CFAP20DC: variants seen among roughly 807,000 people sequenced by gnomAD.
CFAP20DC encodes CFAP20 domain containing, also known as protein CFAP20DC.
In CFAP20DC, 84 loss-of-function variants were observed where a neutral mutation model predicts 101.7. That is an observed-to-expected ratio of 0.83 (90% confidence interval 0.69 to 0.99). CFAP20DC has a LOEUF of 0.99. CFAP20DC is among the 50% of genes least tolerant of loss of function. CFAP20DC has a pLI of 0.00. For missense variants in CFAP20DC, 1,007 were observed against 970.3 expected, an observed-to-expected ratio of 1.04 and a Z score of -0.50; for synonymous variants, 359 against 351.2, an observed-to-expected ratio of 1.02 and a Z score of -0.25.
intron 5 of CFAP20DC, among the ~76,000 whole-genome samples, chr3:58,923,878 T>G (rs2085660428): frequency 6.6e-6 from 1 of 152,192 alleles, no homozygotes; most frequent in African/African-American, 2.4e-5. Context: ...CATACTAGAC[T>G]GTGTGATACT....
chr3:59,029,930 T>C (rs974151328), intron 4 of CFAP20DC, among the ~76,000 whole-genome samples: 4 of 152,140 alleles, frequency 2.6e-5, no homozygotes, highest in Non-Finnish European at 2.9e-5. Flanking sequence ...GAACGAGTAA[T>C]TCCTCAAGCA....
intron 13 of CFAP20DC, among the ~76,000 whole-genome samples, chr3:58,833,923 A>G (rs564819733): frequency 6.6e-6 from 1 of 152,296 alleles, no homozygotes; most frequent in Admixed American, 6.5e-5. Context: ...ATATTATGCT[A>G]TCTGAAAGAA....
chr3:58,862,546 C>T, intron 12 of CFAP20DC: 1 of 985,360 alleles, frequency 1.0e-6, no homozygotes, highest in Non-Finnish European at 1.2e-6. Flanking sequence ...TGAAGAAACT[C>T]ATTAAAAGTT....
chr3:58,849,242 C>T lies in CFAP20DC; in HGVS notation c.1761G>A (p.Met587Ile). The T allele has an allele frequency of 6.5e-7, 1 of 1,536,054 alleles. No homozygotes were observed. Among genetic ancestry groups the T allele is most frequent in the Non-Finnish European group, 8.7e-7 (1 of 1,146,882 alleles). ...AGATESQDSS[M>I]EQIDRNNFEM... ...CAAAGTTATTTCTATCTATTTGCTC[C>T]ATCGAGGAATCCTGGCTTTCTGTTG... The change falls in exon 13 of 17, where the codon ATG (methionine) becomes ATA (isoleucine). Residue 587 changes from methionine (M) to isoleucine (I), a missense_variant. Coordinates refer to ENST00000482387, the MANE Select transcript of CFAP20DC (RefSeq NM_001394063.1).
In CFAP20DC at chr3:58,729,745, C is replaced by T. The variant is rs147062939; in HGVS notation, c.198-12117G>A. ...TATTATTGAAAGTTGAGGCTGGGAT[C>T]GGTGGCTCATGCCTGTAATTCCTAG... On this transcript the variant is annotated intron_variant, in intron 3 of 3. Coordinates refer to the CFAP20DC transcript ENST00000486145. This position sits in a 1 kb window ranked among gnomAD's most constrained non-coding sequence, Gnocchi z 4.4. Among the ~76,000 whole-genome samples the T allele has an allele frequency of 9.7e-4, 147 of 152,172 alleles. No homozygotes were observed. The highest frequency in any genetic ancestry group is 2.7e-3 in the African/African-American group (112 of 41,514).
In CFAP20DC at chr3:58,971,869, A is replaced by ACG. The variant is rs1041020715; in HGVS notation, c.279-34108_279-34107insCG. Among the ~76,000 whole-genome samples the ACG allele has an allele frequency of 6.8e-6, 1 of 147,230 alleles. No homozygotes were observed. The highest frequency in any genetic ancestry group is 2.6e-5 in the African/African-American group (1 of 38,118). ...ATATCATACACACGCACACATACAC[A>ACG]CACACACACACACACACACACACAA... On this transcript the variant is annotated intron_variant, in intron 4 of 16. Coordinates refer to ENST00000482387, the MANE Select transcript of CFAP20DC (RefSeq NM_001394063.1). The surrounding 1 kb of genome is among the most constrained non-coding windows in gnomAD (Gnocchi z 4.1).
intron 12 of CFAP20DC, among the ~76,000 whole-genome samples, chr3:58,855,443 T>G (rs1032350492): frequency 2.6e-4 from 40 of 152,182 alleles, no homozygotes; most frequent in African/African-American, 9.1e-4. Context: ...TCCTCAGGGA[T>G]CTAGAACTAG....
intron 15 of CFAP20DC, among the ~76,000 whole-genome samples, chr3:58,756,932 T>G (rs772044221): frequency 6.6e-6 from 1 of 152,140 alleles, no homozygotes; most frequent in African/African-American, 2.4e-5. Flanking sequence ...CGTTACCCTA[T>G]GGAGGTACTA....
intron 4 of CFAP20DC, among the ~76,000 whole-genome samples, chr3:58,972,146 A>C (rs1244690593): frequency 1.3e-5 from 2 of 152,184 alleles, no homozygotes; most frequent in African/African-American, 4.8e-5. Flanking sequence ...CTGGGATCTC[A>C]AAAAAGACAT....
At chr3:58,745,810 C>A (rs1203785198) in intron 16 of CFAP20DC, among the ~76,000 whole-genome samples, 2 of 152,138 alleles carry the variant, frequency 1.3e-5, no homozygotes. Flanking sequence ...GTCAGACAAA[C>A]TCAGGTCCAA....
At chr3:58,810,011 T>C (rs1015453029) in intron 14 of CFAP20DC, among the ~76,000 whole-genome samples, 1 of 152,110 alleles carries the variant, frequency 6.6e-6, no homozygotes, top group African/African-American at 2.4e-5. Context: ...AGGAAGAAGT[T>C]GAATCTCTGA....
chr3:58,805,507 G>A (rs181222883), intron 15 of CFAP20DC, among the ~76,000 whole-genome samples: 102 of 152,254 alleles, frequency 6.7e-4, no homozygotes, highest in Non-Finnish European at 2.8e-4. Flanking sequence ...GTTTTGTAGT[G>A]TGTAACCAAA....
intron 3 of CFAP20DC, among the ~76,000 whole-genome samples, chr3:59,041,591 G>T (rs1699393026): frequency 6.6e-6 from 1 of 152,036 alleles, no homozygotes; most frequent in Non-Finnish European, 1.5e-5. Context: ...GTTGAATGTG[G>T]AAATTCTGTT....
chr3:58,842,998 C>G (rs1193593036), intron 13 of CFAP20DC, among the ~76,000 whole-genome samples: 1 of 152,130 alleles, frequency 6.6e-6, no homozygotes, highest in Non-Finnish European at 1.5e-5. Context: ...ACATCCACAC[C>G]GAAAACCCAT....
At chr3:58,818,968 G>C (rs1223880135) in intron 14 of CFAP20DC, among the ~76,000 whole-genome samples, 1 of 150,026 alleles carries the variant, frequency 6.7e-6, no homozygotes, top group Non-Finnish European at 1.5e-5. Flanking sequence ...AATCAAACTA[G>C]AACTCAGGAT....
At chr3:59,036,882 T>C (rs1210973557) in intron 4 of CFAP20DC, among the ~76,000 whole-genome samples, 5 of 152,166 alleles carry the variant, frequency 3.3e-5, no homozygotes, top group Non-Finnish European at 2.9e-5. Context: ...CTTCTACCTA[T>C]ACCACAAGGC....
chr3:58,988,772 T>A (rs1011339269), intron 4 of CFAP20DC, among the ~76,000 whole-genome samples: 2 of 152,172 alleles, frequency 1.3e-5, no homozygotes, highest in Non-Finnish European at 2.9e-5. Flanking sequence ...TTCTTCAACC[T>A]CTAGTCTTTT....
At chr3:58,790,992 G>A (rs1334761252) in intron 15 of CFAP20DC, among the ~76,000 whole-genome samples, 2 of 152,104 alleles carry the variant, frequency 1.3e-5, no homozygotes, top group East Asian at 1.9e-4. Flanking sequence ...TCAATGGGAA[G>A]AAGCTATAGA....
At chr3:58,992,616 C>T (rs2092978102) in intron 4 of CFAP20DC, 4 of 952,384 alleles carry the variant, frequency 4.2e-6, no homozygotes, top group South Asian at 4.8e-5. Context: ...CACATTTTGC[C>T]TGCCTCCATC....
Sources: gnomAD v4.1 joint callset for allele counts (sites outside exome capture counted in the v4.1 genomes callset) on GRCh38, gnomAD v4.1.1 for gene constraint, Gnocchi (gnomAD v3.1) non-coding constraint, MANE v1.5 for transcripts, NCBI Gene and HGNC (gene_info 2026-07-23, HGNC 2026-07-21) for gene names.